The following CSMD1 variants were observed in gnomAD, a reference collection of about 807,000 sequenced individuals.
CSMD1 encodes CUB and sushi domain-containing protein 1.
CSMD1 carries 213 observed loss-of-function variants against 417.5 expected under a neutral mutation model. That is an observed-to-expected ratio of 0.51 (90% CI 0.46 to 0.57). The LOEUF is 0.57. Ranked by LOEUF, CSMD1 falls within the 20% of genes least tolerant of loss-of-function variation. The probability of loss-of-function intolerance (pLI) is 0.00; values close to 1 mark genes in which losing one functional copy is unlikely to be tolerated. For missense variants in CSMD1, 6,923 were observed against 4,529.7 expected (o/e 1.53, Z -15.17); for synonymous variants, 2,862 against 1,736.8 (o/e 1.65, Z -16.11).
intron 3 of CSMD1, among the ~76,000 whole-genome samples, chr8:4,126,329 G>A (rs1048059692): frequency 1.3e-5 from 2 of 152,146 alleles, no homozygotes; most frequent in African/African-American, 4.8e-5. Flanking sequence ...CTGGGCAGGG[G>A]GCAAGGTGAA....
intron 37 of CSMD1, among the ~76,000 whole-genome samples, chr8:3,180,678 C>T (rs924785986): frequency 5.3e-5 from 8 of 152,086 alleles, no homozygotes; most frequent in African/African-American, 1.7e-4. Context: ...CTCTGTCACC[C>T]GGGCTGGTGT....
chr8:3,506,161 G>C (rs939676372), intron 10 of CSMD1, among the ~76,000 whole-genome samples: 1 of 152,158 alleles, frequency 6.6e-6, no homozygotes, highest in African/African-American at 2.4e-5. Flanking sequence ...CAGGGAGGCA[G>C]CTGAAACTCA....
chr8:4,566,446 G>A (rs1020119485), intron 2 of CSMD1, among the ~76,000 whole-genome samples: 2 of 151,828 alleles, frequency 1.3e-5, no homozygotes, highest in African/African-American at 4.8e-5. Flanking sequence ...GAGGTCAAGA[G>A]AACGAGACCA....
chr8:4,818,016 C>G (rs960490700), intron 1 of CSMD1, among the ~76,000 whole-genome samples: 1 of 152,258 alleles, frequency 6.6e-6, no homozygotes, highest in South Asian at 2.1e-4. Flanking sequence ...TAATAAGGTT[C>G]AGTCAGCGTC....
intron 3 of CSMD1, among the ~76,000 whole-genome samples, chr8:4,364,439 A>C (rs1801953135): frequency 6.6e-6 from 1 of 152,048 alleles, no homozygotes; most frequent in African/African-American, 2.4e-5. Context: ...TTTGTTTTTC[A>C]TGTTTTTTCC....
chr8:4,078,393 C>G (rs964181124), intron 3 of CSMD1, among the ~76,000 whole-genome samples: 2 of 146,456 alleles, frequency 1.4e-5, no homozygotes, highest in Non-Finnish European at 3.0e-5. Flanking sequence ...CGACTCACTG[C>G]AAGCTCCACC....
intron 7 of CSMD1, among the ~76,000 whole-genome samples, chr8:3,640,370 T>C (rs1453149240): frequency 3.9e-5 from 6 of 152,242 alleles, no homozygotes; most frequent in African/African-American, 1.4e-4. Flanking sequence ...GAAGGCATTG[T>C]CAAATATTCA....
At chr8:4,508,753 A>T (rs1802664745) in intron 2 of CSMD1, among the ~76,000 whole-genome samples, 1 of 152,162 alleles carries the variant, frequency 6.6e-6, no homozygotes. Flanking sequence ...TAAAGATGTA[A>T]AACACTCATA....
intron 3 of CSMD1, among the ~76,000 whole-genome samples, chr8:4,250,363 G>T (rs1802984747): frequency 6.6e-6 from 1 of 152,144 alleles, no homozygotes; most frequent in Non-Finnish European, 1.5e-5. Flanking sequence ...CCCCTAATGT[G>T]ACTCTGTGCA....
intron 18 of CSMD1, among the ~76,000 whole-genome samples, chr8:3,385,108 A>C (rs1312156040): frequency 2.2e-5 from 2 of 90,632 alleles, no homozygotes; most frequent in Non-Finnish European, 4.3e-5. Flanking sequence ...ATATATAAAT[A>C]AAAATATATA....
At chr8:3,962,990 G>A (rs1001510593) in intron 5 of CSMD1, among the ~76,000 whole-genome samples, 2 of 152,138 alleles carry the variant, frequency 1.3e-5, no homozygotes, top group Non-Finnish European at 2.9e-5. Flanking sequence ...AGGCTGGAGT[G>A]CGGTGGAGCA....
At chr8:4,848,419 G>A (rs1176538524) in intron 1 of CSMD1, among the ~76,000 whole-genome samples, 4 of 152,174 alleles carry the variant, frequency 2.6e-5, no homozygotes, top group East Asian at 3.8e-4. Flanking sequence ...AATGGCCTAT[G>A]GTCTTCCAAC....
chr8:4,000,640 G>A (rs1008029235), intron 4 of CSMD1, among the ~76,000 whole-genome samples: 26 of 152,224 alleles, frequency 1.7e-4, no homozygotes, highest in African/African-American at 4.8e-4. Flanking sequence ...AGGATCACTA[G>A]AGACAGATAT....
chr8:4,499,518 T>A (rs1301805673), intron 2 of CSMD1, among the ~76,000 whole-genome samples: 1 of 152,250 alleles, frequency 6.6e-6, no homozygotes, highest in Non-Finnish European at 1.5e-5. Flanking sequence ...AAGGAGTTAC[T>A]TTATCAACTA....
intron 6 of CSMD1, among the ~76,000 whole-genome samples, chr8:3,724,986 T>A (rs538054588): frequency 9.2e-4 from 140 of 152,326 alleles, no homozygotes; most frequent in Non-Finnish European, 1.5e-3. Context: ...CTTTGTTTGG[T>A]ATCCTAATAT....
At position 3,867,010 on chromosome 8, in the gene CSMD1, T is replaced by C. The variant is rs1168219323; in HGVS notation, c.819-112968A>G. Among the ~76,000 whole-genome samples, 8 of 152,346 alleles carry C rather than the reference T, an allele frequency of 5.3e-5. No homozygotes were observed. The East Asian group carries it at 1.2e-3, about 22-fold the overall frequency. On this transcript the variant is annotated intron_variant, in intron 5 of 69. Coordinates refer to ENST00000635120, the MANE Select transcript of CSMD1 (RefSeq NM_033225.6). ...AAAAGTGGTGAGTCAGCCAATATTTTTAATTCTGTGCATTAAATTAATGCA... is the reference window on the plus strand; with the variant it reads ...AAAAGTGGTGAGTCAGCCAATATTTCTAATTCTGTGCATTAAATTAATGCA...
intron 1 of CSMD1, among the ~76,000 whole-genome samples, chr8:4,681,935 T>C (rs945073162): frequency 1.4e-4 from 22 of 152,158 alleles, no homozygotes; most frequent in African/African-American, 4.3e-4. Context: ...CTAGGAAGTG[T>C]TGATTTATTT....
At chr8:4,337,472 G>C (rs903602633) in intron 3 of CSMD1, among the ~76,000 whole-genome samples, 4 of 152,042 alleles carry the variant, frequency 2.6e-5, no homozygotes, top group Non-Finnish European at 5.9e-5. Flanking sequence ...ACTGTGATGG[G>C]ATCTCTGCTT....
intron 1 of CSMD1, among the ~76,000 whole-genome samples, chr8:4,939,619 A>T (rs1180976356): frequency 6.6e-6 from 1 of 150,838 alleles, no homozygotes; most frequent in East Asian, 2.0e-4. Context: ...CGAGAGTAGA[A>T]CGGCCATTAA....
Sources: allele counts gnomAD v4.1 joint callset (sites outside exome capture counted in the v4.1 genomes callset), GRCh38; gene constraint gnomAD v4.1.1; transcripts MANE v1.5; gene names NCBI Gene and HGNC (gene_info 2026-07-23, HGNC 2026-07-21).